The following ZC3H18 variants were observed in gnomAD, a reference collection of about 807,000 sequenced individuals.
ZC3H18 encodes the protein zinc finger CCCH-type containing 18.
A neutral mutation model predicts 106.1 loss-of-function variants in ZC3H18; 8 were observed. That is an observed-to-expected ratio of 0.08 (90% CI 0.04 to 0.14). The LOEUF (loss-of-function observed/expected upper bound fraction) is 0.14. Among genes scored for constraint, ZC3H18 ranks in the 10% least tolerant of loss-of-function variants. The pLI, the probability that ZC3H18 is intolerant of heterozygous loss-of-function variation, is 1.00. For synonymous variants in ZC3H18, 635 were observed against 522.1 expected, an observed-to-expected ratio of 1.22 and a Z score of -2.95; for missense variants, 1,318 against 1,278.4, an observed-to-expected ratio of 1.03 and a Z score of -0.47.
chr16:88,572,182 T>C (rs1376674199), intron 1 of ZC3H18, among the ~76,000 whole-genome samples: 1 of 152,250 alleles, frequency 6.6e-6, no homozygotes, highest in Admixed American at 6.5e-5. Flanking sequence ...AAGACTTCTT[T>C]AGGCTTGGAA....
intron 6 of ZC3H18, among the ~76,000 whole-genome samples, chr16:88,606,701 T>C (rs1905025707): frequency 6.6e-6 from 1 of 152,250 alleles, no homozygotes; most frequent in Non-Finnish European, 1.5e-5. Context: ...TGATGTCATA[T>C]TGCCACAGGT....
intron 6 of ZC3H18, among the ~76,000 whole-genome samples, chr16:88,606,395 A>G (rs1905012622): frequency 6.6e-6 from 1 of 152,254 alleles, no homozygotes; most frequent in African/African-American, 2.4e-5. Context: ...TGTGTGCCTC[A>G]TTCCTATCCG....
At chr16:88,605,462 C>T (rs1413897106) in intron 6 of ZC3H18, among the ~76,000 whole-genome samples, 1 of 152,254 alleles carries the variant, frequency 6.6e-6, no homozygotes, top group Non-Finnish European at 1.5e-5. Flanking sequence ...CGTCGCTGCT[C>T]CCTTTGTGAG....
At chr16:88,617,682 G>A (rs913657846) in intron 8 of ZC3H18, among the ~76,000 whole-genome samples, 1 of 152,210 alleles carries the variant, frequency 6.6e-6, no homozygotes, top group African/African-American at 2.4e-5. Flanking sequence ...CCTGCGGTGG[G>A]GTTGTGGGGT....
chr16:88,627,820 C>T lies in ZC3H18; in HGVS notation c.2269+38C>T, dbSNP rs376059876. On this transcript the variant is annotated intron_variant, in intron 14 of 17. Transcript: ENST00000301011. The surrounding 1 kb of genome is among the most constrained non-coding windows in gnomAD (Gnocchi z 4.5). ...CCTGGTACCTTTGGGGAGCAGCTCC[C>T]GGGGGAGGAGGGCGGCATCAGCACA... 15 of 1,609,748 alleles carry T rather than the reference C, an allele frequency of 9.3e-6. No individual in the cohort carries two copies. The highest frequency in any genetic ancestry group is 1.6e-4 in the Middle Eastern group (1 of 6,076).
rs374844312 is a variant in ZC3H18 at position 88,630,545 on chromosome 16, G to A, written c.2627G>A (p.Gly876Asp). Residue 876 changes from glycine (G) to aspartate (D), a missense_variant, in exon 17 of 18, where the codon GGC becomes GAC. Transcript: ENST00000301011. ...TCCCCGAAGCCAGAGCGGCAGAGAG[G>A]CCAGAACTCCAAAGCCCCTGCAGCC... ...LGSPKPERQR[G>D]QNSKAPAAPA... 22 of 1,612,056 alleles carry A rather than the reference G, an allele frequency of 1.4e-5. No homozygotes were observed. The highest frequency in any genetic ancestry group is 3.3e-5 in the Admixed American group (2 of 59,914).
chr16:88,598,723 T>C lies in ZC3H18; in HGVS notation c.930+11T>C, dbSNP rs991912077. ...CGGCATGCAAAGGAGGTAAACACAATTCAGCAGAAATCCCGACAAGAAAGA... is the reference window on the plus strand; with the variant it reads ...CGGCATGCAAAGGAGGTAAACACAACTCAGCAGAAATCCCGACAAGAAAGA... On this transcript the variant is annotated intron_variant, in intron 5 of 17. Coordinates refer to ENST00000301011, the MANE Select transcript of ZC3H18 (RefSeq NM_144604.4). 3.1e-6 allele frequency: 5 copies of C among 1,606,090 alleles called. No homozygotes were observed. The African/African-American group carries it at 4.0e-5, about 13-fold the overall frequency.
intron 2 of ZC3H18, among the ~76,000 whole-genome samples, chr16:88,583,569 C>T (rs534283036): frequency 6.6e-6 from 1 of 152,366 alleles, no homozygotes; most frequent in Admixed American, 6.5e-5. Context: ...TTTTCCCCCA[C>T]TGCATGTGAA....
rs780922821 is a variant in ZC3H18 at position 88,575,732 on chromosome 16, G to T, written c.-14-1378G>T. ...TTTTTTTGTTTTTTGAGTTTTTTTT[G>T]GAGATTGGTCTCACTCTGTTGCCCA... On this transcript the variant is annotated intron_variant, in intron 1 of 17. Transcript: ENST00000301011. 2.0e-5 allele frequency among the ~76,000 whole-genome samples: 3 copies of T among 151,396 alleles called. 1 individual carries two copies. Among genetic ancestry groups the T allele is most frequent in the African/African-American group, 7.3e-5 (3 of 41,216 alleles).
intron 6 of ZC3H18, among the ~76,000 whole-genome samples, chr16:88,605,969 C>T (rs183274038): frequency 4.9e-4 from 75 of 152,348 alleles, no homozygotes; most frequent in African/African-American, 1.4e-3. Flanking sequence ...CCTCTGGGGA[C>T]GCGGGGCCTC....
Position 88,597,629 on chromosome 16 carries a change from G to T in ZC3H18, c.689-549G>T, listed in dbSNP as rs182517802. Among the ~76,000 whole-genome samples the T allele has an allele frequency of 6.6e-5, 10 of 152,310 alleles. No homozygotes were observed. The East Asian group carries it at 1.9e-3, about 29-fold the overall frequency. ...GAAGGTTTGTGATTGTTATTTATGA[G>T]CAAAGTGTAAAAGCCCGTTTCAGTT... On this transcript the variant is annotated intron_variant, in intron 3 of 17. Coordinates refer to ENST00000301011, the MANE Select transcript of ZC3H18 (RefSeq NM_144604.4).
At chr16:88,612,908 C>T (rs753517623) in intron 8 of ZC3H18, among the ~76,000 whole-genome samples, 2 of 152,042 alleles carry the variant, frequency 1.3e-5, no homozygotes, top group Non-Finnish European at 1.5e-5. Context: ...GAGGCTAATA[C>T]GGGAGGATCA....
intron 3 of ZC3H18, among the ~76,000 whole-genome samples, chr16:88,593,667 G>A (rs1285987246): frequency 1.3e-5 from 2 of 152,168 alleles, no homozygotes; most frequent in South Asian, 4.1e-4. Context: ...GACCCTGTGC[G>A]CTCTCCGTGG....
At position 88,598,727 on chromosome 16, in the gene ZC3H18, G is replaced by A. The variant is rs1417215130; in HGVS notation, c.930+15G>A. The A allele has an allele frequency of 1.9e-6, 3 of 1,603,334 alleles. No homozygotes were observed. Among genetic ancestry groups the A allele is most frequent in the Non-Finnish European group, 1.7e-6 (2 of 1,173,792 alleles). On this transcript the variant is annotated intron_variant, in intron 5 of 17. Transcript: ENST00000301011. ...ATGCAAAGGAGGTAAACACAATTCAGCAGAAATCCCGACAAGAAAGATGCT... is the reference window on the plus strand; with the variant it reads ...ATGCAAAGGAGGTAAACACAATTCAACAGAAATCCCGACAAGAAAGATGCT...
intron 8 of ZC3H18, among the ~76,000 whole-genome samples, chr16:88,612,252 C>T (rs937122151): frequency 1.6e-4 from 25 of 152,108 alleles, no homozygotes; most frequent in African/African-American, 5.8e-4. Flanking sequence ...TTTTTTACAA[C>T]TTTATTGAAA....
Position 88,598,691 on chromosome 16 carries a change from A to G in ZC3H18, c.909A>G (p.Arg303=). ...CCCCAACAGAGAGTGCCTGGGAACG[A>G]GGACTCCGGCATGCAAAGGAGGTAA... ...PEPPTESAWE[R]GLRHAKEVLK... The change falls in exon 5 of 18, where the codon CGA becomes CGG. Residue 303 remains arginine, a synonymous_variant. Transcript: ENST00000301011. The G allele has an allele frequency of 6.2e-7, 1 of 1,612,612 alleles. No homozygotes were observed. The highest frequency in any genetic ancestry group is 8.5e-7 in the Non-Finnish European group (1 of 1,179,278).
At chr16:88,611,600 TC>T (rs1162960428) in intron 8 of ZC3H18, 64 bp downstream of exon 8, 2 of 1,514,236 alleles carry the variant, frequency 1.3e-6, no homozygotes, top group African/African-American at 2.8e-5. Context: ...CTGTACCTAG[TC>T]CCCCTGGCCT....
chr16:88,618,256 T>TA (rs1905746064), intron 8 of ZC3H18, among the ~76,000 whole-genome samples: 1 of 152,052 alleles, frequency 6.6e-6, no homozygotes, highest in African/African-American at 2.4e-5. Flanking sequence ...CTTTTTCTGT[T>TA]ACGTTTTAAG....
At position 88,625,262 on chromosome 16, in the gene ZC3H18, A is replaced by T. The variant is rs1318485353; in HGVS notation, c.2103A>T (p.Arg701=). Reference sequence around the variant, plus strand: ...GCAGCTATAGTGGTTCCAGCTCCCGATCCAGGTCATCCCCATCACCCTGTG... The same window carrying T: ...GCAGCTATAGTGGTTCCAGCTCCCGTTCCAGGTCATCCCCATCACCCTGTG... ...SGSSYSGSSS[R]SRSLSVSSVS... is the part of the protein sequence containing the mutation. The change falls in exon 13 of 18, where the codon CGA becomes CGT. Residue 701 remains arginine, a synonymous_variant. Transcript: ENST00000301011. The T allele has an allele frequency of 6.3e-7, 1 of 1,587,854 alleles. No homozygotes were observed. The highest frequency in any genetic ancestry group is 8.6e-7 in the Non-Finnish European group (1 of 1,167,346).
Sources: gnomAD v4.1 joint callset for allele counts (sites outside exome capture counted in the v4.1 genomes callset) on GRCh38, gnomAD v4.1.1 for gene constraint, Gnocchi (gnomAD v3.1) non-coding constraint, MANE v1.5 for transcripts, NCBI Gene and HGNC (gene_info 2026-07-23, HGNC 2026-07-21) for gene names.